Variants in NDUFV1 observed in about 807,000 individuals in gnomAD.
NDUFV1 encodes NADH:ubiquinone oxidoreductase core subunit V1, also known as NADH dehydrogenase [ubiquinone] flavoprotein 1, mitochondrial.
A neutral mutation model predicts 48.7 loss-of-function variants in NDUFV1; 41 were observed. The observed-to-expected ratio is 0.84, with a 90% CI of 0.66 to 1.09. The LOEUF is 1.09. Ranked by LOEUF, NDUFV1 falls within the 50% of genes least tolerant of loss-of-function variation. NDUFV1 has a pLI of 0.00. For missense variants in NDUFV1, 580 were observed against 645.4 expected (o/e 0.90, Z 1.10); for synonymous variants, 231 against 259.1 (o/e 0.89, Z 1.04).
Position 67,611,452 on chromosome 11 carries a change from C to T in NDUFV1, c.963C>T (p.Gly321=). ...ACCTCCTTGCTGTGATCCCTGGCGG[C>T]TCGTCTACCCCACTGATCCCCAAGT... ...WDNLLAVIPG[G]SSTPLIPKSV... is the part of the protein sequence containing the mutation. Residue 321 remains glycine (G), a synonymous_variant, in exon 7 of 10, where the codon GGC becomes GGT. Coordinates refer to ENST00000322776, the MANE Select transcript of NDUFV1 (RefSeq NM_007103.4). This position sits in a 1 kb window ranked among gnomAD's most constrained non-coding sequence, Gnocchi z 4.2. 1 of 1,614,160 alleles carries T rather than the reference C, an allele frequency of 6.2e-7. No homozygotes were observed. Among genetic ancestry groups the T allele is most frequent in the Non-Finnish European group, 8.5e-7 (1 of 1,180,026 alleles).
At chr11:67,608,087 C>T (rs1854843689) in intron 1 of NDUFV1, 3 of 430,094 alleles carry the variant, frequency 7.0e-6, no homozygotes, top group Non-Finnish European at 1.3e-5. Context: ...ATTACCCGGG[C>T]GTGGTGGTGA....
At chr11:67,609,755 G>C in intron 4 of NDUFV1, 120 bp downstream of exon 4, 1 of 1,170,634 alleles carries the variant, frequency 8.5e-7, no homozygotes, top group Non-Finnish European at 1.2e-6. Context: ...AACTGGGGGA[G>C]TGGTGGCCAG....
chr11:67,609,305 A>G (rs1304611142), intron 3 of NDUFV1, 147 bp from the exon 4 acceptor site: 4 of 767,724 alleles, frequency 5.2e-6, no homozygotes, highest in Non-Finnish European at 8.4e-6. Flanking sequence ...GAGCAAGCAG[A>G]GCCCCTGGGA....
At position 67,606,945 on chromosome 11, in the gene NDUFV1, G is replaced by A; in HGVS notation, c.-60G>A. ...GCCACCTAGCGTCTCTATCGCGCCA[G>A]TTCCTCAGCCTCAGTGCTATGAAGG... On this transcript the variant is annotated 5_prime_UTR_variant, in exon 1 of 10. Transcript: ENST00000322776. 6.4e-7 allele frequency: 1 copy of A among 1,562,974 alleles called. No homozygotes were observed.
chr11:67,611,944 C>T lies in NDUFV1; in HGVS notation c.1128C>T (p.His376=), dbSNP rs1185554743. ...CCCGCCTCATTGAGTTCTATAAGCA[C>T]GAGAGCTGTGGCCAGTGTACCCCAT... ...AIARLIEFYK[H]ESCGQCTPCR... is the part of the protein sequence containing the mutation. Residue 376 remains histidine (H), a synonymous_variant, in exon 8 of 10, where the codon CAC becomes CAT. Coordinates refer to ENST00000322776, the MANE Select transcript of NDUFV1 (RefSeq NM_007103.4). The surrounding 1 kb of genome is among the most constrained non-coding windows in gnomAD (Gnocchi z 4.2). 5.6e-6 allele frequency: 9 copies of T among 1,614,010 alleles called. No homozygotes were observed. The highest frequency in any genetic ancestry group is 5.0e-5 in the Admixed American group (3 of 60,018).
intron 4 of NDUFV1, 37 bp from the exon 5 acceptor site, chr11:67,610,344 G>A (rs781014209): frequency 6.3e-7 from 1 of 1,586,208 alleles, no homozygotes; most frequent in South Asian, 1.1e-5. Context: ...CTCCTGGGCT[G>A]GGGGTGGGCT....
rs142499054 is a variant in NDUFV1, at chr11:67,611,564, C to T, written c.1075C>T (p.Arg359Cys). The change falls in exon 7 of 10, where the codon CGC (arginine) becomes TGC (cysteine). Residue 359 changes from arginine (R) to cysteine (C), a missense_variant. Physicochemically the swap from Arg to Cys is radical, Grantham distance 180. Transcript: ENST00000322776. The surrounding 1 kb of genome is among the most constrained non-coding windows in gnomAD (Gnocchi z 4.2). Reference protein sequence around the residue: ...LGTAAVIVMDRSTDIVKAIAR... With the variant: ...LGTAAVIVMDCSTDIVKAIAR... Reference sequence around the variant, plus strand: ...CACAGCTGCGGTGATCGTCATGGACCGCTCGGTAAGGGTTCACACACCAGC... The same window carrying T: ...CACAGCTGCGGTGATCGTCATGGACTGCTCGGTAAGGGTTCACACACCAGC... The T allele has an allele frequency of 4.9e-4, 785 of 1,603,410 alleles. No individual in the cohort carries two copies. The highest frequency in any genetic ancestry group is 1.6e-3 in the Admixed American group (91 of 57,874).
intron 1 of NDUFV1, 124 bp downstream of exon 1, chr11:67,607,200 G>C: frequency 9.0e-7 from 1 of 1,106,814 alleles, no homozygotes; most frequent in Non-Finnish European, 1.3e-6. Flanking sequence ...GGCCAGGCGG[G>C]AAGGCCCCCG....
chr11:67,608,658 C>G lies in NDUFV1; in HGVS notation c.262C>G (p.Arg88Gly), dbSNP rs138526825. 6 of 1,614,092 alleles carry G rather than the reference C, an allele frequency of 3.7e-6. No individual in the cohort carries two copies. The highest frequency in any genetic ancestry group is 5.1e-6 in the Non-Finnish European group (6 of 1,180,010). Residue 88 changes from arginine (R) to glycine (G), a missense_variant, in exon 3 of 10, where the codon CGT becomes GGT. Physicochemically the swap from Arg to Gly is moderately radical, Grantham distance 125 (BLOSUM62 -2). Coordinates refer to ENST00000322776, the MANE Select transcript of NDUFV1 (RefSeq NM_007103.4). Reference protein sequence around the residue: ...GEIKTSGLRGRGGAGFPTGLK... With the variant: ...GEIKTSGLRGGGGAGFPTGLK... ...GATCAAGACATCGGGTTTGAGGGGCCGTGGAGGCGCTGGCTTCCCCACTGG... is the reference window on the plus strand; with the variant it reads ...GATCAAGACATCGGGTTTGAGGGGCGGTGGAGGCGCTGGCTTCCCCACTGG...
rs1202963769 is a variant in NDUFV1, at chr11:67,611,085, G to A, written c.791G>A (p.Gly264Asp). 2 of 1,614,252 alleles carry A rather than the reference G, an allele frequency of 1.2e-6. No homozygotes were observed. Among genetic ancestry groups the A allele is most frequent in the Non-Finnish European group, 1.7e-6 (2 of 1,180,048 alleles). Residue 264 changes from glycine (G) to aspartate (D), a missense_variant, in exon 6 of 10, where the codon GGC becomes GAC. By Grantham distance (94) the Gly-to-Asp change is moderately conservative (BLOSUM62 -1). Transcript: ENST00000322776. This position sits in a 1 kb window ranked among gnomAD's most constrained non-coding sequence, Gnocchi z 4.2. ...ICRRGGTWFAGFGRERNSGTK... is the reference protein window; with the variant it reads ...ICRRGGTWFADFGRERNSGTK... ...CGCCGTGGAGGTACCTGGTTTGCTG[G>A]CTTTGGCAGAGAACGCAACTCAGGC...
Position 67,611,751 on chromosome 11 carries a change from AG to A in NDUFV1, c.1081-141del. 1.5e-6 allele frequency: 2 copies of A among 1,365,416 alleles called. No individual in the cohort carries two copies. The highest frequency in any genetic ancestry group is 2.0e-6 in the Non-Finnish European group (2 of 981,678). 84.6% of individuals were successfully genotyped at this position (1,365,416 alleles called of 1,614,324 possible). ...GAATACCCCGGAGTCTGGGCAGCAC[AG>A]GGGGCCCAGGGAGGCTGGAGGAGGC... On this transcript the variant is annotated intron_variant, in intron 7 of 9. Coordinates refer to ENST00000322776, the MANE Select transcript of NDUFV1 (RefSeq NM_007103.4). This position sits in a 1 kb window ranked among gnomAD's most constrained non-coding sequence, Gnocchi z 4.2.
rs189083568 is a variant in NDUFV1, at chr11:67,609,353, A to G, written c.327-99A>G. 134 of 1,264,832 alleles carry G rather than the reference A, an allele frequency of 1.1e-4. 1 individual carries two copies. In the African/African-American group the frequency reaches 1.9e-3, roughly 18 times the overall value. 78.4% of individuals were successfully genotyped at this position (1,264,832 alleles called of 1,614,324 possible). On this transcript the variant is annotated intron_variant, in intron 3 of 9. Coordinates refer to ENST00000322776, the MANE Select transcript of NDUFV1 (RefSeq NM_007103.4). ...GCAGTAAAGGATTGGCTGTCAGAGG[A>G]GACATCTTTGAGGCCTCCCTGGGTG...
At chr11:67,607,126 G>C in intron 1 of NDUFV1, 50 bp downstream of exon 1, 1 of 1,563,098 alleles carries the variant, frequency 6.4e-7, no homozygotes, top group Non-Finnish European at 8.6e-7. Context: ...CGGGTGTCGC[G>C]GCCGCGCCCG....
rs369093442 is a variant in NDUFV1 at position 67,608,491 on chromosome 11, C to G, written c.155+13C>G. ...GCCATGACTGGAGGTGAGACAGTGC[C>G]CTTAGTGTGTTGGGTCCCGGAGCAA... is the stretch of plus-strand genomic sequence containing the variant. On this transcript the variant is annotated intron_variant, in intron 2 of 9. Coordinates refer to ENST00000322776, the MANE Select transcript of NDUFV1 (RefSeq NM_007103.4). The G allele has an allele frequency of 4.3e-6, 7 of 1,614,190 alleles. No individual in the cohort carries two copies. The highest frequency in any genetic ancestry group is 2.2e-5 in the South Asian group (2 of 91,088).
At chr11:67,608,284 C>G in intron 1 of NDUFV1, 112 bp from the exon 2 acceptor site, 1 of 1,020,648 alleles carries the variant, frequency 9.8e-7, no homozygotes, top group Middle Eastern at 2.3e-4. Flanking sequence ...AGATGCTTCC[C>G]TAGCCCTAGC....
chr11:67,609,513 ATCT>A lies in NDUFV1; in HGVS notation c.390_392del (p.Leu131del). 6.2e-7 allele frequency: 1 copy of A among 1,613,374 alleles called. No individual in the cohort carries two copies. The highest frequency in any genetic ancestry group is 8.5e-7 in the Non-Finnish European group (1 of 1,179,840). On this transcript the variant is annotated inframe_deletion, in exon 4 of 10. Transcript: ENST00000322776. Reference sequence around the variant, plus strand: ...GCCGGGCACCTGCAAGGACCGGGAGATCTTACGCCATGATCCTCACAAGCTGCT... The same window carrying A: ...GCCGGGCACCTGCAAGGACCGGGAGATACGCCATGATCCTCACAAGCTGCT...
chr11:67,612,365 A>G lies in NDUFV1; in HGVS notation c.1309-7A>G. ...TCTGTTTCACATGGTCCCCCCACCG[A>G]CCCCAGGGTCTGATCCGCCACTTTC... On this transcript the variant is annotated splice_polypyrimidine_tract_variant and splice_region_variant and intron_variant, in intron 9 of 9. Transcript: ENST00000322776. This position sits in a 1 kb window ranked among gnomAD's most constrained non-coding sequence, Gnocchi z 4.4. 6.2e-7 allele frequency: 1 copy of G among 1,613,436 alleles called. No individual in the cohort carries two copies.
At chr11:67,608,143 T>G in intron 1 of NDUFV1, 1 of 536,834 alleles carries the variant, frequency 1.9e-6, no homozygotes, top group Admixed American at 3.1e-5. Context: ...CAAGAATTAT[T>G]TGAACCTGGG....
intron 4 of NDUFV1, 65 bp downstream of exon 4, chr11:67,609,700 A>G: frequency 6.4e-7 from 1 of 1,561,284 alleles, no homozygotes; most frequent in South Asian, 1.1e-5. Flanking sequence ...CCCCTCACCC[A>G]GCACAGTTGT....
Sources: allele counts gnomAD v4.1 joint callset, GRCh38; gene constraint gnomAD v4.1.1; non-coding constraint Gnocchi (gnomAD v3.1); transcripts MANE v1.5; gene names NCBI Gene and HGNC (gene_info 2026-07-23, HGNC 2026-07-21).